CIAPIN1: variants seen among roughly 807,000 people sequenced by gnomAD.
The protein encoded by CIAPIN1 is anamorsin.
In CIAPIN1, 18 loss-of-function variants were observed where a neutral mutation model predicts 34.3. The observed-to-expected ratio is 0.52, with a 90% CI of 0.36 to 0.78. CIAPIN1 has a LOEUF of 0.78. Among genes scored for constraint, CIAPIN1 ranks in the 30% least tolerant of loss-of-function variants. The probability of loss-of-function intolerance (pLI) is 0.00; values close to 1 mark genes in which losing one functional copy is unlikely to be tolerated. For missense variants in CIAPIN1, 310 were observed against 372.5 expected, an observed-to-expected ratio of 0.83 and a Z score of 1.38; for synonymous variants, 131 against 140.4, an observed-to-expected ratio of 0.93 and a Z score of 0.47.
rs577109101 is a variant in CIAPIN1 at position 57,429,653 on chromosome 16, G to A, written c.829-373C>T. Among the ~76,000 whole-genome samples the A allele has an allele frequency of 2.4e-4, 36 of 151,958 alleles. 1 individual carries two copies. Among genetic ancestry groups the A allele is most frequent in the South Asian group, 4.2e-4 (2 of 4,806 alleles). The stretch of plus-strand genomic sequence containing the variant: ...ACTACAGGCGCCCGCTACCATGCCC[G>A]GCAAATTTTTTTGTATTTTTAGTAG... On this transcript the variant is annotated intron_variant, in intron 8 of 8. Coordinates refer to ENST00000394391, the MANE Select transcript of CIAPIN1 (RefSeq NM_020313.4).
At chr16:57,441,089 A>G in intron 1 of CIAPIN1, 106 bp from the exon 2 acceptor site, 5 of 651,900 alleles carry the variant, frequency 7.7e-6, no homozygotes, top group Non-Finnish European at 1.0e-5. Context: ...CAACATTAGA[A>G]ACTCTACTGT....
At chr16:57,435,744 A>G (rs1290034014) in intron 4 of CIAPIN1, among the ~76,000 whole-genome samples, 6 of 152,210 alleles carry the variant, frequency 3.9e-5, no homozygotes, top group African/African-American at 1.4e-4. Flanking sequence ...CAGTAAGCAG[A>G]GATCGTGTCA....
At chr16:57,435,035 C>T (rs2146561491) in intron 4 of CIAPIN1, among the ~76,000 whole-genome samples, 2 of 152,140 alleles carry the variant, frequency 1.3e-5, no homozygotes. Context: ...ATATGTGTCC[C>T]CTCTAAATCT....
chr16:57,432,143 G>A (rs942512299), intron 6 of CIAPIN1, among the ~76,000 whole-genome samples: 6 of 152,086 alleles, frequency 3.9e-5, no homozygotes, highest in Non-Finnish European at 5.9e-5. Flanking sequence ...GTGAAACCCC[G>A]TCTCTGCTAA....
At chr16:57,429,519 T>C (rs1460520955) in intron 8 of CIAPIN1, among the ~76,000 whole-genome samples, 1 of 151,464 alleles carries the variant, frequency 6.6e-6, no homozygotes, top group African/African-American at 2.4e-5. Flanking sequence ...TGAGATGGAG[T>C]CTCCCTCTGT....
Position 57,430,246 on chromosome 16 carries a change from C to T in CIAPIN1, c.828+12G>A, listed in dbSNP as rs1903056672. 1 of 1,611,784 alleles carries T rather than the reference C, an allele frequency of 6.2e-7. No individual in the cohort carries two copies. The highest frequency in any genetic ancestry group is 8.5e-7 in the Non-Finnish European group (1 of 1,178,014). On this transcript the variant is annotated intron_variant, in intron 8 of 8. Transcript: ENST00000394391. The stretch of plus-strand genomic sequence containing the variant: ...GGGTTTGTGAATGCTGAGGAATGAT[C>T]CTGATATTTACGTTTCCACAAGCTG...
At chr16:57,437,868 G>A (rs1370152354) in intron 3 of CIAPIN1, among the ~76,000 whole-genome samples, 1 of 152,042 alleles carries the variant, frequency 6.6e-6, no homozygotes, top group African/African-American at 2.4e-5. Context: ...TTTGTTGTTC[G>A]AAGTGTTTTT....
rs750781006 is a variant in CIAPIN1 at position 57,434,110 on chromosome 16, G to T, written c.490C>A (p.Pro164Thr). 14 of 1,614,008 alleles carry T rather than the reference G, an allele frequency of 8.7e-6. No homozygotes were observed. Among genetic ancestry groups the T allele is most frequent in the South Asian group, 3.3e-5 (3 of 91,068 alleles). Reference sequence around the variant, plus strand: ...CTAGAAGAACCCACTTCAAAGTTTGGTTTTTTGCCTGTGATCTGAACAAAC... The same window carrying T: ...CTAGAAGAACCCACTTCAAAGTTTGTTTTTTTGCCTGTGATCTGAACAAAC... ...LLFVQITGKKPNFEVGSSRQL... is the reference protein window; with the variant it reads ...LLFVQITGKKTNFEVGSSRQL... Residue 164 changes from proline to threonine, a missense_variant, in exon 5 of 9, where the codon CCA becomes ACA. Pro to Thr is a conservative substitution (Grantham distance 38, BLOSUM62 -1). Coordinates refer to ENST00000394391, the MANE Select transcript of CIAPIN1 (RefSeq NM_020313.4).
intron 1 of CIAPIN1, among the ~76,000 whole-genome samples, chr16:57,443,165 A>C (rs924955309): frequency 9.3e-6 from 1 of 108,104 alleles, no homozygotes; most frequent in Non-Finnish European, 1.8e-5. Context: ...GGTGGTGGGG[A>C]GGACAGAGTT....
intron 3 of CIAPIN1, among the ~76,000 whole-genome samples, chr16:57,438,364 G>C (rs574818864): frequency 9.1e-4 from 139 of 152,112 alleles, no homozygotes; most frequent in Non-Finnish European, 1.7e-3. Context: ...CCCAGGGTTC[G>C]GCCACTATTT....
chr16:57,442,737 T>C (rs748986801), intron 1 of CIAPIN1, among the ~76,000 whole-genome samples: 16 of 152,236 alleles, frequency 1.1e-4, no homozygotes, highest in Non-Finnish European at 2.1e-4. Context: ...ATACTCAGGA[T>C]GTTAAATATT....
Position 57,445,776 on chromosome 16 carries a change from C to T in CIAPIN1, c.-56+1566G>A, listed in dbSNP as rs888177526. Among the ~76,000 whole-genome samples the T allele has an allele frequency of 7.4e-5, 11 of 149,408 alleles. No individual in the cohort carries two copies. In the East Asian group the frequency reaches 1.2e-3, roughly 16 times the overall value. On this transcript the variant is annotated intron_variant, in intron 1 of 8. Transcript: ENST00000394391. ...TACACGGGAGACAGACAAGAAGACA[C>T]TTGTTCCCTGCCCTCAAGAGAACGC...
At chr16:57,444,324 T>C (rs886505292) in intron 1 of CIAPIN1, among the ~76,000 whole-genome samples, 1 of 152,138 alleles carries the variant, frequency 6.6e-6, no homozygotes, top group Non-Finnish European at 1.5e-5. Flanking sequence ...AAGATAAAAA[T>C]AAGCAAGGCA....
chr16:57,434,000 T>A lies in CIAPIN1; in HGVS notation c.556+44A>T, dbSNP rs750774411. The A allele has an allele frequency of 1.9e-5, 30 of 1,560,280 alleles. No homozygotes were observed. In the East Asian group the frequency reaches 6.7e-4, roughly 35 times the overall value. ...GCTGGCTCAATTTCTAACATGTCCCTCTAAGCCCATTCAAACAGAAGAATG... is the reference window on the plus strand; with the variant it reads ...GCTGGCTCAATTTCTAACATGTCCCACTAAGCCCATTCAAACAGAAGAATG... On this transcript the variant is annotated intron_variant, in intron 5 of 8. Transcript: ENST00000394391.
intron 3 of CIAPIN1, among the ~76,000 whole-genome samples, chr16:57,437,445 A>G (rs1369254947): frequency 4.6e-5 from 7 of 152,066 alleles, no homozygotes; most frequent in Non-Finnish European, 8.8e-5. Flanking sequence ...TCATCTTAAT[A>G]GTATTTATCA....
At chr16:57,442,369 AAAAAAT>A (rs1385021900) in intron 1 of CIAPIN1, among the ~76,000 whole-genome samples, 1 of 151,904 alleles carries the variant, frequency 6.6e-6, no homozygotes, top group Non-Finnish European at 1.5e-5. Context: ...AATAAAAAAT[AAAAAAT>A]TATAGCTGGG....
rs544751685 is a variant in CIAPIN1 at position 57,428,379 on chromosome 16, C to A, written c.*791G>T. 6.6e-6 allele frequency: 1 copy of A among 152,298 alleles called. No homozygotes were observed. Among genetic ancestry groups the A allele is most frequent in the South Asian group, 2.1e-4 (1 of 4,824 alleles). 9.4% of individuals were successfully genotyped at this position (152,298 alleles called of 1,614,324 possible). ...CTGCTTCCCTCTAAATGCTCACCAACCTGGACTCTTCTAAAGTGGGCAGAC... is the reference window on the plus strand; with the variant it reads ...CTGCTTCCCTCTAAATGCTCACCAAACTGGACTCTTCTAAAGTGGGCAGAC... On this transcript the variant is annotated 3_prime_UTR_variant, in exon 9 of 9. Coordinates refer to ENST00000394391, the MANE Select transcript of CIAPIN1 (RefSeq NM_020313.4).
rs74332484 is a variant in CIAPIN1, at chr16:57,442,715, T to G, written c.-55-1732A>C. ...GTTCACTTCAAGTAACTCTCCTCTT[T>G]GCCTACAAAACATACTCAGGATGTT... is the stretch of plus-strand genomic sequence containing the variant. On this transcript the variant is annotated intron_variant, in intron 1 of 8. Transcript: ENST00000394391. 2.5e-3 allele frequency among the ~76,000 whole-genome samples: 380 copies of G among 152,316 alleles called. 1 individual carries two copies. Among genetic ancestry groups the G allele is most frequent in the East Asian group, 8.5e-3 (44 of 5,184 alleles).
chr16:57,429,352 A>T, intron 8 of CIAPIN1, 72 bp from the exon 9 acceptor site: 2 of 1,027,076 alleles, frequency 1.9e-6, no homozygotes, highest in East Asian at 4.8e-5. Context: ...AGAAATGCCT[A>T]ATTTCATAAT....
Sources: allele counts gnomAD v4.1 joint callset (sites outside exome capture counted in the v4.1 genomes callset), GRCh38; gene constraint gnomAD v4.1.1; transcripts MANE v1.5; gene names NCBI Gene and HGNC (gene_info 2026-07-23, HGNC 2026-07-21).